The following PLCB4 variants were observed in gnomAD, a reference collection of about 807,000 sequenced individuals.
PLCB4 encodes the protein 1-phosphatidylinositol 4,5-bisphosphate phosphodiesterase beta-4.
Under a neutral mutation model 178.8 loss-of-function variants are expected in PLCB4, and 77 were observed. That is an observed-to-expected ratio of 0.43 (90% CI 0.36 to 0.52). The LOEUF (loss-of-function observed/expected upper bound fraction) is 0.52, where lower values mean the gene tolerates loss of function less well. PLCB4 is among the 20% of genes least tolerant of loss of function. The pLI is 0.00. For missense variants in PLCB4, 1,024 were observed against 1,453.4 expected, an observed-to-expected ratio of 0.70 and a Z score of 4.80; for synonymous variants, 496 against 490.8, an observed-to-expected ratio of 1.01 and a Z score of -0.14.
rs6133712 is a variant in PLCB4 at position 9,467,867 on chromosome 20, T to A, written c.3249-704T>A. Among the ~76,000 whole-genome samples the A allele has an allele frequency of 0.014, 2,063 of 152,222 alleles. 143 individuals are homozygous for A. The East Asian group carries it at 0.2, about 15-fold the overall frequency. Reference sequence around the variant, plus strand: ...GATCTCCATAGGTTATAGAAAAAAATTTTTGTAATAATATACTATGTAGCA... The same window carrying A: ...GATCTCCATAGGTTATAGAAAAAAAATTTTGTAATAATATACTATGTAGCA... On this transcript the variant is annotated intron_variant, in intron 35 of 39. Transcript: ENST00000378473.
At chr20:9,115,429 TCTTC>T (rs1052843598) in intron 2 of PLCB4, among the ~76,000 whole-genome samples, 13 of 140,856 alleles carry the variant, frequency 9.2e-5, no homozygotes, top group South Asian at 7.5e-4. Context: ...TAAAACTTCT[TCTTC>T]TTTTTTTTTA....
At chr20:9,394,460 A>T (rs1192059971) in intron 18 of PLCB4, among the ~76,000 whole-genome samples, 1 of 152,162 alleles carries the variant, frequency 6.6e-6, no homozygotes. Flanking sequence ...GACTGAGATC[A>T]TATTAATGAT....
intron 35 of PLCB4, among the ~76,000 whole-genome samples, chr20:9,463,145 A>T (rs1041135671): frequency 3.0e-4 from 46 of 152,302 alleles, no homozygotes; most frequent in African/African-American, 1.1e-3. Flanking sequence ...TTCAACCCAG[A>T]ATTTCATATC....
chr20:9,432,838 A>T (rs982488806), intron 28 of PLCB4, among the ~76,000 whole-genome samples: 1 of 152,218 alleles, frequency 6.6e-6, no homozygotes, highest in African/African-American at 2.4e-5. Context: ...ATGAATTGGC[A>T]TCAGAGGAGT....
At chr20:9,303,743 A>G (rs2094731922) in intron 3 of PLCB4, among the ~76,000 whole-genome samples, 1 of 152,174 alleles carries the variant, frequency 6.6e-6, no homozygotes, top group Non-Finnish European at 1.5e-5. Context: ...TCAAAAAACT[A>G]AAATTCCATT....
chr20:9,389,862 T>A lies in PLCB4; in HGVS notation c.1159-17T>A, dbSNP rs766294472. On this transcript the variant is annotated splice_polypyrimidine_tract_variant and intron_variant, in intron 15 of 39. Transcript: ENST00000378473. ...TTTGCTCTTTTCTCTCATTAACGTT[T>A]TTTTTTGTTTTTAAAGGATGTAATT... The A allele has an allele frequency of 1.4e-6, 2 of 1,452,738 alleles. No homozygotes were observed. Among genetic ancestry groups the A allele is most frequent in the East Asian group, 4.5e-5 (2 of 44,190 alleles). The allele number at this position is 1,452,738 out of a possible 1,614,324, so 90.0% of individuals were successfully genotyped here. A position where few individuals can be genotyped will look rare whatever the true frequency, so the allele number is the denominator to read the frequency against.
intron 22 of PLCB4, 53 bp downstream of exon 22, chr20:9,408,111 G>T: frequency 7.0e-7 from 1 of 1,434,550 alleles, no homozygotes. Flanking sequence ...TTCTTTTATG[G>T]TGCTGATGAG....
At chr20:9,096,604 C>A (rs554967282) in intron 2 of PLCB4, among the ~76,000 whole-genome samples, 2 of 152,238 alleles carry the variant, frequency 1.3e-5, no homozygotes, top group East Asian at 3.9e-4. Flanking sequence ...CTCAGCAGAT[C>A]CATTTTTTTA....
chr20:9,464,408 A>C (rs2043621572), intron 35 of PLCB4, among the ~76,000 whole-genome samples: 1 of 152,230 alleles, frequency 6.6e-6, no homozygotes, highest in Non-Finnish European at 1.5e-5. Flanking sequence ...AAGCTAGCAG[A>C]AGGCAAGAAA....
At chr20:9,437,554 G>A (rs1213129779) in intron 30 of PLCB4, among the ~76,000 whole-genome samples, 2 of 152,226 alleles carry the variant, frequency 1.3e-5, no homozygotes, top group African/African-American at 4.8e-5. Context: ...CAGCCAGTAT[G>A]TAGGGAAACA....
chr20:9,193,965 A>C (rs561902035), intron 2 of PLCB4, among the ~76,000 whole-genome samples: 3 of 152,144 alleles, frequency 2.0e-5, no homozygotes, highest in Non-Finnish European at 2.9e-5. Flanking sequence ...TGTCTTCTTT[A>C]AAGTATGGGA....
Position 9,172,802 on chromosome 20 carries a change from C to G in PLCB4, c.-78-44588C>G, listed in dbSNP as rs969158770. Among the ~76,000 whole-genome samples, 7 of 152,094 alleles carry G rather than the reference C, an allele frequency of 4.6e-5. No individual in the cohort carries two copies. The South Asian group carries it at 1.5e-3, about 32-fold the overall frequency. Reference sequence around the variant, plus strand: ...GAGGATTATATTAAGGCAAAATAATCTGGGGTTTTCTGTTTTGTTTTTGTC... The same window carrying G: ...GAGGATTATATTAAGGCAAAATAATGTGGGGTTTTCTGTTTTGTTTTTGTC... On this transcript the variant is annotated intron_variant, in intron 2 of 39. Transcript: ENST00000378473.
At chr20:9,350,385 GA>G (rs1274604618) in intron 7 of PLCB4, among the ~76,000 whole-genome samples, 4 of 152,068 alleles carry the variant, frequency 2.6e-5, no homozygotes, top group African/African-American at 9.7e-5. Flanking sequence ...TAGGTATTAT[GA>G]TTATCCTCAT....
intron 12 of PLCB4, among the ~76,000 whole-genome samples, chr20:9,374,552 A>G (rs2148315005): frequency 6.6e-6 from 1 of 152,296 alleles, no homozygotes; most frequent in South Asian, 2.1e-4. Flanking sequence ...AAGACGGTTT[A>G]GTGTAAAGGA....
intron 4 of PLCB4, among the ~76,000 whole-genome samples, chr20:9,321,952 C>CTTTTCTTT (rs1555789689): frequency 1.4e-5 from 2 of 140,080 alleles, no homozygotes; most frequent in African/African-American, 2.7e-5. Context: ...TTTTCTTTTT[C>CTTTTCTTT]TTTTTTTTTT....
At chr20:9,272,539 C>G (rs181051960) in intron 3 of PLCB4, among the ~76,000 whole-genome samples, 70 of 152,202 alleles carry the variant, frequency 4.6e-4, no homozygotes, top group Non-Finnish European at 8.2e-4. Flanking sequence ...CTCATTCCTC[C>G]TCCACCCTGA....
At chr20:9,071,620 A>G (rs1473858181) in intron 1 of PLCB4, among the ~76,000 whole-genome samples, 1 of 152,196 alleles carries the variant, frequency 6.6e-6, no homozygotes, top group East Asian at 1.9e-4. Context: ...AATTAATGAA[A>G]AAATTTTGCA....
chr20:9,338,751 C>A, intron 6 of PLCB4, 143 bp from the exon 7 acceptor site: 1 of 621,836 alleles, frequency 1.6e-6, no homozygotes, highest in Non-Finnish European at 2.8e-6. Context: ...ACAAATTTCA[C>A]CTCTACAGGT....
At chr20:9,251,558 C>CATA (rs1159182379) in intron 3 of PLCB4, among the ~76,000 whole-genome samples, 4 of 152,136 alleles carry the variant, frequency 2.6e-5, no homozygotes, top group Admixed American at 2.6e-4. Context: ...AAGCTCCATA[C>CATA]GTTATCTCTT....
Sources: gnomAD v4.1 joint callset for allele counts (sites outside exome capture counted in the v4.1 genomes callset) on GRCh38, gnomAD v4.1.1 for gene constraint, MANE v1.5 for transcripts, NCBI Gene and HGNC (gene_info 2026-07-23, HGNC 2026-07-21) for gene names.